Variants in DST observed in about 807,000 individuals in gnomAD.
DST encodes the protein bullous pemphigoid antigen.
Under a neutral mutation model 875.2 loss-of-function variants are expected in DST, and 253 were observed. The ratio of observed to expected loss-of-function variants is 0.29; its 90% CI spans 0.26 to 0.32. DST has a LOEUF of 0.32. DST is among the 10% of genes least tolerant of loss of function. The pLI is 1.00. For synonymous variants in DST, 3,124 were observed against 3,197.1 expected, an observed-to-expected ratio of 0.98 and a Z score of 0.77; for missense variants, 8,287 against 9,111.6, an observed-to-expected ratio of 0.91 and a Z score of 3.68.
At chr6:56,639,651 CAA>C (rs764975128) in intron 20 of DST, 40 bp from the exon 21 acceptor site, 17 of 1,612,000 alleles carry the variant, frequency 1.1e-5, no homozygotes, top group Non-Finnish European at 3.4e-6. Context: ...ATGTTTTTGC[CAA>C]ATATAGATAA....
chr6:56,934,699 G>A (rs1592674292), intron 2 of DST, among the ~76,000 whole-genome samples: 1 of 149,904 alleles, frequency 6.7e-6, no homozygotes, highest in African/African-American at 2.4e-5. Context: ...CATTGGTTTT[G>A]TGAACTATCT....
intron 4 of DST, among the ~76,000 whole-genome samples, chr6:56,773,075 T>A (rs1329132187): frequency 6.6e-6 from 1 of 151,990 alleles, no homozygotes; most frequent in East Asian, 1.9e-4. Flanking sequence ...TGGAAACAGA[T>A]CCACTAACTC....
chr6:56,688,925 C>T (rs1250382449), intron 9 of DST, among the ~76,000 whole-genome samples: 2 of 152,082 alleles, frequency 1.3e-5, no homozygotes, highest in Non-Finnish European at 2.9e-5. Context: ...AAAAGGCATA[C>T]ACTTATGCAC....
intron 83 of DST, among the ~76,000 whole-genome samples, chr6:56,493,468 T>C (rs549486976): frequency 5.3e-5 from 8 of 152,290 alleles, no homozygotes; most frequent in Non-Finnish European, 8.8e-5. Context: ...AGTGATGGCA[T>C]ATAATCTTGT....
chr6:56,723,231 G>T lies in DST; in HGVS notation c.687+11997C>A, dbSNP rs1189162993. On this transcript the variant is annotated intron_variant, in intron 5 of 103. Transcript: ENST00000680361. Reference sequence around the variant, plus strand: ...AGTTATAATTCAAGAGAACCAAAAGGGTAAGTCATCCATAAATTAGAAAAT... The same window carrying T: ...AGTTATAATTCAAGAGAACCAAAAGTGTAAGTCATCCATAAATTAGAAAAT... 3.3e-5 allele frequency among the ~76,000 whole-genome samples: 5 copies of T among 152,154 alleles called. No individual in the cohort carries two copies. In the East Asian group the frequency reaches 9.6e-4, roughly 29 times the overall value.
intron 32 of DST, among the ~76,000 whole-genome samples, chr6:56,628,726 A>G (rs918997558): frequency 5.3e-5 from 8 of 152,234 alleles, no homozygotes; most frequent in African/African-American, 1.9e-4. Flanking sequence ...TTGCATTAAT[A>G]TAAGCACGAA....
chr6:56,782,100 C>T lies in DST; in HGVS notation c.626-46811G>A, dbSNP rs59068992. Reference sequence around the variant, plus strand: ...ACTTGATCATGGTGGATAAGCTTTTCGATGTGCTGCTGGATTCGGTTTGCC... The same window carrying T: ...ACTTGATCATGGTGGATAAGCTTTTTGATGTGCTGCTGGATTCGGTTTGCC... On this transcript the variant is annotated intron_variant, in intron 4 of 103. Coordinates refer to ENST00000680361, the MANE Select transcript of DST (RefSeq NM_001374736.1). 7.8e-3 allele frequency among the ~76,000 whole-genome samples: 1,183 copies of T among 152,110 alleles called. 17 individuals carry two copies. The highest frequency in any genetic ancestry group is 0.027 in the African/African-American group (1,133 of 41,484).
intron 4 of DST, among the ~76,000 whole-genome samples, chr6:56,822,034 CACA>C (rs1235254996): frequency 6.6e-6 from 1 of 152,076 alleles, no homozygotes; most frequent in East Asian, 1.9e-4. Flanking sequence ...ATTATAAGCC[CACA>C]ACATTTCTAT....
intron 22 of DST, among the ~76,000 whole-genome samples, chr6:56,638,757 A>G (rs2098848531): frequency 6.6e-6 from 1 of 152,194 alleles, no homozygotes; most frequent in Non-Finnish European, 1.5e-5. Context: ...CACCTCACAA[A>G]ACCAGAGCAT....
chr6:56,739,040 T>C (rs1212827082), intron 4 of DST, among the ~76,000 whole-genome samples: 2 of 150,852 alleles, frequency 1.3e-5, no homozygotes, highest in East Asian at 3.9e-4. Flanking sequence ...CCACAAAATA[T>C]TTATTAATTC....
At chr6:56,474,068 C>T (rs988559688) in intron 92 of DST, 66 bp from the exon 93 acceptor site, 20 of 1,342,828 alleles carry the variant, frequency 1.5e-5, no homozygotes, top group Non-Finnish European at 1.8e-5. Context: ...TAGAAATGAA[C>T]TAAAAGCAGA....
chr6:56,591,511 A>G (rs2098271642), intron 49 of DST, among the ~76,000 whole-genome samples: 1 of 152,236 alleles, frequency 6.6e-6, no homozygotes, highest in Non-Finnish European at 1.5e-5. Flanking sequence ...CAATGAATAA[A>G]GCAGACAAAG....
At position 56,616,724 on chromosome 6, in the gene DST, T is replaced by C; in HGVS notation, c.4930-2240A>G. The C allele has an allele frequency of 6.2e-7, 1 of 1,614,232 alleles. No individual in the cohort carries two copies. Among genetic ancestry groups the C allele is most frequent in the Non-Finnish European group, 8.5e-7 (1 of 1,180,042 alleles). On this transcript the variant is annotated intron_variant, in intron 36 of 103. Transcript: ENST00000680361. ...GTCAATGACACCCCCACTGGCAATC[T>C]GGGCTTCCAAGATATGTTTACCTTT...
intron 69 of DST, among the ~76,000 whole-genome samples, chr6:56,518,478 G>A (rs1427377637): frequency 1.2e-5 from 1 of 80,990 alleles, no homozygotes; most frequent in Non-Finnish European, 3.0e-5. Context: ...CTTTAAATGT[G>A]ATTTTCAAAT....
At chr6:56,728,772 G>T (rs937563148) in intron 5 of DST, among the ~76,000 whole-genome samples, 1 of 152,120 alleles carries the variant, frequency 6.6e-6, no homozygotes, top group African/African-American at 2.4e-5. Flanking sequence ...TGCCCTCGGG[G>T]AAGAGAGGAT....
At chr6:56,481,666 C>T (rs182187390) in intron 90 of DST, among the ~76,000 whole-genome samples, 1 of 152,130 alleles carries the variant, frequency 6.6e-6, no homozygotes, top group African/African-American at 2.4e-5. Context: ...TACAATCCTA[C>T]GGGTATAATT....
intron 3 of DST, among the ~76,000 whole-genome samples, chr6:56,894,866 A>C (rs1380645819): frequency 1.7e-4 from 6 of 35,616 alleles, no homozygotes; most frequent in Admixed American, 2.1e-4. Flanking sequence ...TGACCCCCCC[A>C]CCTCCCTCCT....
chr6:56,834,458 G>A (rs35439100), intron 4 of DST, among the ~76,000 whole-genome samples: 18,437 of 152,016 alleles, frequency 0.12, 1,567 homozygotes, highest in Non-Finnish European at 0.18. Flanking sequence ...TTAGCCAGGC[G>A]TGGTGGCGGA....
intron 3 of DST, among the ~76,000 whole-genome samples, chr6:56,854,958 G>A (rs1767101532): frequency 6.6e-6 from 1 of 152,182 alleles, no homozygotes; most frequent in Non-Finnish European, 1.5e-5. Flanking sequence ...TGGCATGTAT[G>A]CTGAAAACAA....
Sources: gnomAD v4.1 joint callset for allele counts (sites outside exome capture counted in the v4.1 genomes callset) on GRCh38, gnomAD v4.1.1 for gene constraint, MANE v1.5 for transcripts, NCBI Gene and HGNC (gene_info 2026-07-23, HGNC 2026-07-21) for gene names.